The following WDR36 variants were observed in gnomAD, a reference collection of about 807,000 sequenced individuals.
WDR36 encodes the protein WD repeat domain 36.
Under a neutral mutation model 112.7 loss-of-function variants are expected in WDR36, and 63 were observed. The observed-to-expected ratio is 0.56, with a 90% CI of 0.46 to 0.69. The LOEUF (loss-of-function observed/expected upper bound fraction) is 0.69. Among genes scored for constraint, WDR36 ranks in the 30% least tolerant of loss-of-function variants. The probability of loss-of-function intolerance (pLI) is 0.00; values close to 1 mark genes in which losing one functional copy is unlikely to be tolerated. For missense variants in WDR36, 1,226 were observed against 1,070.3 expected, an observed-to-expected ratio of 1.15 and a Z score of -2.03; for synonymous variants, 410 against 362.2, an observed-to-expected ratio of 1.13 and a Z score of -1.50.
rs373323650 is a variant in WDR36, at chr5:111,121,028, A to T, written c.2035A>T (p.Ser679Cys). ...AGTATCAGAAGAAACAGTAGAACCA[A>T]GTGATGAATTGATAGAATATGATTC... ...VEVSEETVEPSDELIEYDSPE... is the reference protein window; with the variant it reads ...VEVSEETVEPCDELIEYDSPE... Residue 679 changes from serine to cysteine, a missense_variant, in exon 19 of 23, where the codon AGT becomes TGT. Ser to Cys is a moderately radical substitution (Grantham distance 112). Transcript: ENST00000513710. The T allele has an allele frequency of 1.9e-6, 3 of 1,613,536 alleles. No homozygotes were observed. Among genetic ancestry groups the T allele is most frequent in the Admixed American group, 3.3e-5 (2 of 60,014 alleles).
chr5:111,108,914 G>C (rs1317160978), intron 12 of WDR36, among the ~76,000 whole-genome samples: 1 of 151,288 alleles, frequency 6.6e-6, no homozygotes. Flanking sequence ...TCATTTTTCT[G>C]ACAGTCTCAG....
At chr5:111,093,704 C>G (rs1342564822) in intron 1 of WDR36, among the ~76,000 whole-genome samples, 1 of 152,172 alleles carries the variant, frequency 6.6e-6, no homozygotes, top group Non-Finnish European at 1.5e-5. Context: ...TGAAATAACT[C>G]TTGAAATCTT....
At position 111,126,992 on chromosome 5, in the gene WDR36, G is replaced by A; in HGVS notation, c.*109G>A. 1 of 1,083,232 alleles carries A rather than the reference G, an allele frequency of 9.2e-7. No individual in the cohort carries two copies. Among genetic ancestry groups the A allele is most frequent in the Non-Finnish European group, 1.3e-6 (1 of 764,058 alleles). The allele number at this position is 1,083,232 out of a possible 1,614,324, so 67.1% of individuals were successfully genotyped here. The stretch of plus-strand genomic sequence containing the variant: ...AAAGAAAATAAATGCTAGCACTACT[G>A]ACTAGTCAGTATATCTCCACTTTAA... On this transcript the variant is annotated 3_prime_UTR_variant, in exon 23 of 23. Coordinates refer to ENST00000513710, the MANE Select transcript of WDR36 (RefSeq NM_139281.3).
rs1383113658 is a variant in WDR36, at chr5:111,105,309, C to A, written c.1042C>A (p.Leu348Ile). 6.2e-7 allele frequency: 1 copy of A among 1,609,818 alleles called. No homozygotes were observed. Among genetic ancestry groups the A allele is most frequent in the Admixed American group, 1.7e-5 (1 of 59,706 alleles). The change falls in exon 10 of 23, where the codon CTT (leucine) becomes ATT (isoleucine). Residue 348 changes from leucine (L) to isoleucine (I), a missense_variant. By Grantham distance (5) the Leu-to-Ile change is conservative. Transcript: ENST00000513710. ...QILSASQDGT[L>I]QSFSTVHEKF... is the part of the protein sequence containing the mutation. ...TATATCAACAGGTCAAGATGGAACT[C>A]TTCAGTCATTTTCCACGGTACATGA...
Position 111,104,720 on chromosome 5 carries a change from A to G in WDR36, c.930A>G (p.Thr310=), listed in dbSNP as rs368712112. The change falls in exon 9 of 23, where the codon ACA becomes ACG. Residue 310 remains threonine (T), a synonymous_variant. Transcript: ENST00000513710. ...ALRIWIFDGP[T]GEGRLLRFRM... The stretch of plus-strand genomic sequence containing the variant: ...AGATATGGATATTTGATGGTCCTAC[A>G]GGTGAAGGCCGACTTTTGAGATTCA... 24 of 1,611,244 alleles carry G rather than the reference A, an allele frequency of 1.5e-5. No individual in the cohort carries two copies. The African/African-American group carries it at 2.5e-4, about 17-fold the overall frequency.
At chr5:111,109,001 T>A (rs1753272806) in intron 12 of WDR36, among the ~76,000 whole-genome samples, 1 of 151,198 alleles carries the variant, frequency 6.6e-6, no homozygotes, top group Non-Finnish European at 1.5e-5. Flanking sequence ...AAAGTACAAT[T>A]TGTTACTCAA....
chr5:111,106,261 G>C, intron 11 of WDR36, 118 bp downstream of exon 11: 2 of 883,166 alleles, frequency 2.3e-6, no homozygotes, highest in Non-Finnish European at 3.7e-6. Context: ...GCATTCAGAA[G>C]GTAACCCCAG....
chr5:111,100,831 G>C (rs189490530), intron 5 of WDR36, 110 bp downstream of exon 5: 6 of 1,152,532 alleles, frequency 5.2e-6, no homozygotes, highest in Admixed American at 2.3e-5. Context: ...TTATTTGGAG[G>C]GTTGTCTATA....
At position 111,092,610 on chromosome 5, in the gene WDR36, A is replaced by G. The variant is rs766756355; in HGVS notation, c.154A>G (p.Thr52Ala). The G allele has an allele frequency of 2.5e-6, 4 of 1,613,206 alleles. No homozygotes were observed. The highest frequency in any genetic ancestry group is 3.4e-6 in the Non-Finnish European group (4 of 1,179,940). The change falls in exon 1 of 23, where the codon ACC becomes GCC. Residue 52 changes from threonine (T) to alanine (A), a missense_variant. Thr to Ala is a moderately conservative substitution (Grantham distance 58, BLOSUM62 0). Coordinates refer to ENST00000513710, the MANE Select transcript of WDR36 (RefSeq NM_139281.3). ...AACCTGCGTGGGCAAGAGTTTCCAC[A>G]CCTATGACGTGAGTGACTTCTTTTG... The part of the protein sequence containing the change: ...VTTCVGKSFH[T>A]YDVQKLSLVA...
chr5:111,094,033 A>G lies in WDR36; in HGVS notation c.163-887A>G, dbSNP rs541467377. Among the ~76,000 whole-genome samples the G allele has an allele frequency of 1.1e-4, 9 of 80,778 alleles. No homozygotes were observed. The South Asian group carries it at 2.4e-3, about 21-fold the overall frequency. The allele number at this position is 80,778 out of a possible 152,430, so 53.0% of individuals were successfully genotyped here. On this transcript the variant is annotated intron_variant, in intron 1 of 22. Coordinates refer to ENST00000513710, the MANE Select transcript of WDR36 (RefSeq NM_139281.3). ...ACTGAAAATACTTGGGAGTAAAAAG[A>G]AAAAAAAAAGGAGCTAATGAACCTA...
chr5:111,101,575 A>T (rs570430247), intron 5 of WDR36, among the ~76,000 whole-genome samples: 8 of 151,906 alleles, frequency 5.3e-5, no homozygotes, highest in Non-Finnish European at 1.2e-4. Flanking sequence ...TCTATCCATT[A>T]TGTAAACATT....
Position 111,127,939 on chromosome 5 carries a change from T to G in WDR36, c.*1056T>G, listed in dbSNP as rs1389791903. ...TTTTGTTTTGTTTTTTTTTTTTTTTTTTTGGCTACACTTTTTTGGGGGGGA... is the reference window on the plus strand; with the variant it reads ...TTTTGTTTTGTTTTTTTTTTTTTTTGTTTGGCTACACTTTTTTGGGGGGGA... On this transcript the variant is annotated 3_prime_UTR_variant, in exon 23 of 23. Transcript: ENST00000513710. The G allele has an allele frequency of 9.7e-6, 2 of 205,320 alleles. No individual in the cohort carries two copies. Among genetic ancestry groups the G allele is most frequent in the Admixed American group, 1.2e-4 (2 of 16,758 alleles). The allele number at this position is 205,320 out of a possible 1,614,324, so 12.7% of individuals were successfully genotyped here. A position where few individuals can be genotyped will look rare whatever the true frequency, so the allele number is the denominator to read the frequency against.
chr5:111,115,948 AT>A (rs929510822), intron 16 of WDR36, among the ~76,000 whole-genome samples: 3 of 149,262 alleles, frequency 2.0e-5, no homozygotes, highest in African/African-American at 4.9e-5. Flanking sequence ...ATTCTTTCTT[AT>A]TTTTTTTTTC....
At chr5:111,105,397 A>C (rs779063061) in intron 10 of WDR36, 37 bp downstream of exon 10, 22 of 1,570,404 alleles carry the variant, frequency 1.4e-5, no homozygotes, top group Middle Eastern at 1.7e-4. Flanking sequence ...CTGGTCACGA[A>C]AGAAACATTT....
chr5:111,110,589 C>A (rs1230539643), intron 13 of WDR36, among the ~76,000 whole-genome samples, 199 bp from the exon 14 acceptor site: 3 of 151,346 alleles, frequency 2.0e-5, no homozygotes, highest in African/African-American at 7.3e-5. Context: ...TTGTATCGAT[C>A]TGATTTCTGT....
intron 11 of WDR36, 122 bp from the exon 12 acceptor site, chr5:111,107,172 C>A (rs1303826109): frequency 9.2e-6 from 10 of 1,086,458 alleles, no homozygotes; most frequent in Non-Finnish European, 1.3e-5. Flanking sequence ...ATATTGCTAT[C>A]AGATATTACC....
In WDR36 at chr5:111,092,548, T is replaced by G; in HGVS notation, c.92T>G (p.Val31Gly). 1 of 1,614,232 alleles carries G rather than the reference T, an allele frequency of 6.2e-7. No homozygotes were observed. Among genetic ancestry groups the G allele is most frequent in the Non-Finnish European group, 8.5e-7 (1 of 1,180,038 alleles). The change falls in exon 1 of 23, where the codon GTG (valine) becomes GGG (glycine). Residue 31 changes from valine to glycine, a missense_variant. Transcript: ENST00000513710. ...GLFSNDIPHV[V>G]RFSALKRRFY... ...TTCAGCAACGACATTCCACACGTGG[T>G]GCGGTTCAGCGCGCTCAAGCGCCGG...
In WDR36 at chr5:111,119,740, T is replaced by TA. The variant is rs143491321; in HGVS notation, c.1904+621dup. 3.2e-3 allele frequency among the ~76,000 whole-genome samples: 486 copies of TA among 152,234 alleles called. 2 individuals carry two copies. Among genetic ancestry groups the TA allele is most frequent in the African/African-American group, 0.011 (455 of 41,544 alleles). ...TATAAAAGAATTAATTATAAAATGT[T>TA]ATAATTACATTTGAAGATACAAAGG... On this transcript the variant is annotated intron_variant, in intron 17 of 22. Coordinates refer to ENST00000513710, the MANE Select transcript of WDR36 (RefSeq NM_139281.3).
chr5:111,094,444 C>T (rs1483381914), intron 1 of WDR36, among the ~76,000 whole-genome samples: 4 of 151,734 alleles, frequency 2.6e-5, no homozygotes, highest in African/African-American at 9.7e-5. Context: ...TTTGTATGAC[C>T]CAGGAGTTAC....
Sources: allele counts gnomAD v4.1 joint callset (sites outside exome capture counted in the v4.1 genomes callset), GRCh38; gene constraint gnomAD v4.1.1; transcripts MANE v1.5; gene names NCBI Gene and HGNC (gene_info 2026-07-23, HGNC 2026-07-21).